PACRG: variants seen among roughly 807,000 people sequenced by gnomAD.
The protein encoded by PACRG is parkin coregulated, also known as parkin coregulated gene protein.
In PACRG, 29 loss-of-function variants were observed where a neutral mutation model predicts 29.7. The ratio of observed to expected loss-of-function variants is 0.98; its 90% confidence interval spans 0.73 to 1.33. PACRG has a LOEUF of 1.33. PACRG is among the 40% of genes most tolerant of loss of function. The pLI is 0.00. For missense variants in PACRG, 279 were observed against 316.2 expected (o/e 0.88, Z 0.89); for synonymous variants, 116 against 118.7 (o/e 0.98, Z 0.15).
At chr6:163,311,763 A>G (rs1164693265) in intron 4 of PACRG, among the ~76,000 whole-genome samples, 1 of 137,594 alleles carries the variant, frequency 7.3e-6, no homozygotes, top group Non-Finnish European at 1.5e-5. Flanking sequence ...GAGGTTATAC[A>G]CTGTGGAAAA....
chr6:162,900,629 C>G (rs1795492992), intron 2 of PACRG, among the ~76,000 whole-genome samples: 1 of 152,150 alleles, frequency 6.6e-6, no homozygotes, highest in Non-Finnish European at 1.5e-5. Context: ...CCCGAGCTGC[C>G]ACTCTAAGCT....
At chr6:163,146,917 A>T (rs1017417205) in intron 4 of PACRG, among the ~76,000 whole-genome samples, 4 of 152,198 alleles carry the variant, frequency 2.6e-5, no homozygotes, top group Non-Finnish European at 5.9e-5. Context: ...CACCTTGCGC[A>T]TGGTCAGACC....
At chr6:162,736,874 C>T (rs984332154) in intron 1 of PACRG, among the ~76,000 whole-genome samples, 2 of 152,066 alleles carry the variant, frequency 1.3e-5, no homozygotes, top group African/African-American at 4.8e-5. Context: ...GTTGAAAGCT[C>T]ATAAGCATTT....
chr6:163,078,908 G>A (rs907326046), intron 3 of PACRG, among the ~76,000 whole-genome samples: 8 of 151,784 alleles, frequency 5.3e-5, no homozygotes, highest in Non-Finnish European at 1.0e-4. Flanking sequence ...TTGCTGTGCC[G>A]CTTTGAACAT....
At chr6:163,036,900 CCATCCATCCATCCATT>C (rs1257690889) in intron 2 of PACRG, among the ~76,000 whole-genome samples, 1 of 139,090 alleles carries the variant, frequency 7.2e-6, no homozygotes, top group African/African-American at 2.7e-5. Context: ...ATCCATCCAT[CCATCCATCCATCCATT>C]CACCCAGGTC....
At chr6:163,119,663 T>A (rs1816178194) in intron 4 of PACRG, among the ~76,000 whole-genome samples, 1 of 152,218 alleles carries the variant, frequency 6.6e-6, no homozygotes, top group Non-Finnish European at 1.5e-5. Flanking sequence ...TTTTTGTTTA[T>A]GAATCTTGTA....
intron 1 of PACRG, among the ~76,000 whole-genome samples, chr6:162,762,177 G>A (rs547941065): frequency 1.3e-5 from 2 of 152,282 alleles, no homozygotes; most frequent in Admixed American, 6.5e-5. Flanking sequence ...TGTGGCACTG[G>A]AAACATGGAG....
At chr6:163,191,927 G>A (rs1780235844) in intron 4 of PACRG, 2 of 370,780 alleles carry the variant, frequency 5.4e-6, no homozygotes, top group South Asian at 4.0e-5. Context: ...GCTCCTCAAT[G>A]TCCCATCCCC....
At chr6:162,874,852 T>G (rs1793160077) in intron 2 of PACRG, among the ~76,000 whole-genome samples, 1 of 151,586 alleles carries the variant, frequency 6.6e-6, no homozygotes, top group African/African-American at 2.4e-5. Context: ...ATTCACATCA[T>G]TCACACAGAT....
chr6:163,271,622 C>T (rs1475143628), intron 4 of PACRG, among the ~76,000 whole-genome samples: 2 of 152,152 alleles, frequency 1.3e-5, no homozygotes, highest in Non-Finnish European at 2.9e-5. Flanking sequence ...GTTTTACCTA[C>T]TGGTTTGAGA....
At chr6:163,069,147 C>G (rs548194736) in intron 3 of PACRG, among the ~76,000 whole-genome samples, 4 of 151,952 alleles carry the variant, frequency 2.6e-5, no homozygotes, top group Non-Finnish European at 4.4e-5. Flanking sequence ...ACAACAATAC[C>G]CAAGTCCTTT....
intron 4 of PACRG, among the ~76,000 whole-genome samples, chr6:163,162,204 G>A (rs533654443): frequency 1.0e-3 from 158 of 152,314 alleles, no homozygotes; most frequent in African/African-American, 3.7e-3. Context: ...CTCGGCAGGT[G>A]CTGACCTACA....
rs1797205153 is a variant in PACRG, at chr6:162,923,395, CT to C, written c.291+109115del. Among the ~76,000 whole-genome samples the C allele has an allele frequency of 7.2e-5, 11 of 152,220 alleles. No homozygotes were observed. In the South Asian group the frequency reaches 2.3e-3, roughly 32 times the overall value. On this transcript the variant is annotated intron_variant, in intron 2 of 4. Transcript: ENST00000366888. ...ATTTGTCTATTTTTATTTTTGTAAT[CT>C]GTACTTTTAAGGTTTTAGGCATAAA...
chr6:163,036,094 T>G (rs1808160957), intron 2 of PACRG, among the ~76,000 whole-genome samples: 1 of 152,248 alleles, frequency 6.6e-6, no homozygotes, highest in South Asian at 2.1e-4. Flanking sequence ...TAAGTCAGTC[T>G]GCTCAGATCT....
intron 4 of PACRG, among the ~76,000 whole-genome samples, chr6:163,243,413 C>T (rs1163884350): frequency 3.3e-5 from 5 of 152,208 alleles, no homozygotes; most frequent in East Asian, 1.9e-4. Context: ...GGTACCCAAG[C>T]GTATGCCTGC....
chr6:162,786,287 G>A (rs1406922765), intron 1 of PACRG, among the ~76,000 whole-genome samples: 1 of 152,182 alleles, frequency 6.6e-6, no homozygotes, highest in Non-Finnish European at 1.5e-5. Context: ...AAAAAGAGGA[G>A]TAAAATGGAG....
intron 2 of PACRG, among the ~76,000 whole-genome samples, chr6:162,968,810 A>T (rs1801269403): frequency 6.6e-6 from 1 of 152,106 alleles, no homozygotes; most frequent in Non-Finnish European, 1.5e-5. Flanking sequence ...GCACTTTGGG[A>T]GGCTGAGGTG....
intron 2 of PACRG, among the ~76,000 whole-genome samples, chr6:162,908,217 A>G (rs1796066911): frequency 1.3e-5 from 2 of 152,338 alleles, no homozygotes; most frequent in South Asian, 2.1e-4. Flanking sequence ...GACTACATTA[A>G]TGTTTGGTTT....
chr6:162,974,982 C>G (rs1801828777), intron 2 of PACRG, among the ~76,000 whole-genome samples: 1 of 152,156 alleles, frequency 6.6e-6, no homozygotes, highest in Non-Finnish European at 1.5e-5. Context: ...CTACAGTACT[C>G]AAGATCTGAC....
Sources: gnomAD v4.1 joint callset for allele counts (sites outside exome capture counted in the v4.1 genomes callset) on GRCh38, gnomAD v4.1.1 for gene constraint, MANE v1.5 for transcripts, NCBI Gene and HGNC (gene_info 2026-07-23, HGNC 2026-07-21) for gene names.